The following AGTPBP1 variants were observed in gnomAD, a reference collection of about 807,000 sequenced individuals.
The protein encoded by AGTPBP1 is cytosolic carboxypeptidase 1.
Under a neutral mutation model 143.9 loss-of-function variants are expected in AGTPBP1, and 70 were observed. The observed-to-expected ratio is 0.49, with a 90% confidence interval of 0.40 to 0.59. AGTPBP1 has a LOEUF of 0.59. AGTPBP1 is among the 20% of genes least tolerant of loss of function. AGTPBP1 has a pLI of 0.00. For missense variants in AGTPBP1, 1,229 were observed against 1,464.5 expected (o/e 0.84, Z 2.62); for synonymous variants, 463 against 500.2 (o/e 0.93, Z 0.99).
the AGTPBP1 span, among the ~76,000 whole-genome samples, chr9:85,792,956 A>G: frequency 6.6e-6 from 1 of 152,222 alleles, no homozygotes; most frequent in Non-Finnish European, 1.5e-5. Flanking sequence ...TCTCAGTTTT[A>G]GTTATATATA....
chr9:85,561,284 C>T (rs1826697833), intron 25 of AGTPBP1, among the ~76,000 whole-genome samples: 1 of 151,570 alleles, frequency 6.6e-6, no homozygotes, highest in Non-Finnish European at 1.5e-5. Context: ...ATCGCTTGAA[C>T]CTGGGAGGCA....
intron 17 of AGTPBP1, among the ~76,000 whole-genome samples, chr9:85,600,819 GC>G (rs1829619675): frequency 6.6e-6 from 1 of 152,038 alleles, no homozygotes; most frequent in African/African-American, 2.4e-5. Flanking sequence ...CTGCCCCGAG[GC>G]CCAACAGCCT....
At chr9:85,565,147 GACA>G (rs781046379) in intron 25 of AGTPBP1, among the ~76,000 whole-genome samples, 1 of 152,274 alleles carries the variant, frequency 6.6e-6, no homozygotes, top group East Asian at 1.9e-4. Context: ...AGCTGACTAG[GACA>G]ACATCTGTCA....
intron 1 of AGTPBP1, among the ~76,000 whole-genome samples, chr9:85,734,769 G>A (rs1016271593): frequency 2.0e-5 from 3 of 152,104 alleles, no homozygotes; most frequent in African/African-American, 4.8e-5. Flanking sequence ...ATACTCAAAA[G>A]AACTGAAAGC....
chr9:85,633,867 T>C (rs559996765), intron 13 of AGTPBP1, among the ~76,000 whole-genome samples: 4 of 148,732 alleles, frequency 2.7e-5, no homozygotes, highest in South Asian at 4.3e-4. Context: ...TATAGAACAT[T>C]AGAAGGGTAA....
chr9:85,672,790 A>G, intron 6 of AGTPBP1, 109 bp from the exon 7 acceptor site: 1 of 816,554 alleles, frequency 1.2e-6, no homozygotes, highest in South Asian at 2.0e-5. Context: ...GCTGGAGTGC[A>G]GTGGCTCCAT....
rs531156457 is a variant in AGTPBP1, at chr9:85,696,255, G to A, written c.33-3442C>T. Among the ~76,000 whole-genome samples, 13 of 152,290 alleles carry A rather than the reference G, an allele frequency of 8.5e-5. No individual in the cohort carries two copies. The South Asian group carries it at 2.7e-3, about 32-fold the overall frequency. ...AATTTGAGCTTTCAAGCAAAAATTG[G>A]AATTTTGGAAAACACTGATCTACCA... On this transcript the variant is annotated intron_variant, in intron 2 of 25. Coordinates refer to ENST00000357081, the MANE Select transcript of AGTPBP1 (RefSeq NM_001330701.2).
At chr9:85,607,227 G>A (rs1179267304) in intron 17 of AGTPBP1, among the ~76,000 whole-genome samples, 1 of 151,922 alleles carries the variant, frequency 6.6e-6, no homozygotes, top group Non-Finnish European at 1.5e-5. Context: ...AGTAGTGAAA[G>A]GTTCAAGTTA....
intron 1 of AGTPBP1, among the ~76,000 whole-genome samples, chr9:85,715,106 G>C (rs1837620973): frequency 6.6e-6 from 1 of 151,960 alleles, no homozygotes; most frequent in Admixed American, 6.6e-5. Context: ...AATTAGCCTG[G>C]CCTGGTGGTG....
intron 14 of AGTPBP1, among the ~76,000 whole-genome samples, chr9:85,626,986 G>A (rs773367409): frequency 3.9e-5 from 6 of 152,128 alleles, no homozygotes; most frequent in Non-Finnish European, 7.4e-5. Flanking sequence ...ACCGCAGTAT[G>A]CCAACCCTAA....
At chr9:85,777,874 C>T in the AGTPBP1 span, among the ~76,000 whole-genome samples, 1 of 152,236 alleles carries the variant, frequency 6.6e-6, no homozygotes, top group Non-Finnish European at 1.5e-5. Flanking sequence ...CGAAGTTCTG[C>T]CCACTGGGAA....
chr9:85,705,303 G>A (rs74543940), intron 2 of AGTPBP1, among the ~76,000 whole-genome samples: 1,503 of 148,058 alleles, frequency 0.01, 33 homozygotes, highest in African/African-American at 0.035. Flanking sequence ...ATGGGAAAAA[G>A]CAGCCAAATA....
At chr9:85,547,849 C>G (rs1825815443) in intron 25 of AGTPBP1, among the ~76,000 whole-genome samples, 1 of 152,140 alleles carries the variant, frequency 6.6e-6, no homozygotes, top group African/African-American at 2.4e-5. Context: ...ATTACTTTCC[C>G]TAAGGACACA....
intron 22 of AGTPBP1, 98 bp downstream of exon 22, chr9:85,586,733 C>T: frequency 7.6e-7 from 1 of 1,319,174 alleles, no homozygotes; most frequent in East Asian, 2.4e-5. Flanking sequence ...TAACATAATG[C>T]ATTAATTTGA....
At chr9:85,772,206 C>T in the AGTPBP1 span, among the ~76,000 whole-genome samples, 2 of 151,668 alleles carry the variant, frequency 1.3e-5, no homozygotes, top group Non-Finnish European at 2.9e-5. Flanking sequence ...AAACTCCTGA[C>T]CTCGTGATCC....
chr9:85,712,996 G>T (rs1274428430), intron 1 of AGTPBP1, among the ~76,000 whole-genome samples: 1 of 152,102 alleles, frequency 6.6e-6, no homozygotes, highest in African/African-American at 2.4e-5. Context: ...TTCCATATAA[G>T]AACATTTTCA....
chr9:85,741,779 T>A lies in AGTPBP1; in HGVS notation c.-38A>T. 1 of 1,344,434 alleles carries A rather than the reference T, an allele frequency of 7.4e-7. No individual in the cohort carries two copies. Among genetic ancestry groups the A allele is most frequent in the Non-Finnish European group, 9.5e-7 (1 of 1,050,076 alleles). 83.3% of individuals were successfully genotyped at this position (1,344,434 alleles called of 1,614,324 possible). A position where few individuals can be genotyped will look rare whatever the true frequency, so the allele number is the denominator to read the frequency against. On this transcript the variant is annotated 5_prime_UTR_variant, in exon 1 of 26. Transcript: ENST00000357081. The stretch of plus-strand genomic sequence containing the variant: ...GGACTGCAGCAGGGCGCTCACCGGC[T>A]CAGGATGGGGCGCTGGCGGGGACCG...
At chr9:85,742,764 C>G (rs942553888), upstream of AGTPBP1, among the ~76,000 whole-genome samples, 1 of 152,174 alleles carries the variant, frequency 6.6e-6, no homozygotes, top group African/African-American at 2.4e-5. Context: ...GACTGTACTT[C>G]AGTGTACTGC....
At chr9:85,742,024 G>T, upstream of AGTPBP1, 1 of 1,200,000 alleles carries the variant, frequency 8.3e-7, no homozygotes, top group East Asian at 3.5e-5. Context: ...CTCCCAGCAC[G>T]CGCAGGGAGT....
Sources: gnomAD v4.1 joint callset for allele counts (sites outside exome capture counted in the v4.1 genomes callset) on GRCh38, gnomAD v4.1.1 for gene constraint, MANE v1.5 for transcripts, NCBI Gene and HGNC (gene_info 2026-07-23, HGNC 2026-07-21) for gene names.